The following PRH1 variants were observed in gnomAD, a reference collection of about 807,000 sequenced individuals.
PRH1 encodes salivary acidic proline-rich phosphoprotein 1/2.
PRH1 carries 7 observed loss-of-function variants against 7.9 expected under a neutral mutation model. That is an observed-to-expected ratio of 0.89 (90% CI 0.50 to 1.67). PRH1 has a LOEUF of 1.67. Ranked by LOEUF, PRH1 falls within the 40% of genes most tolerant of loss-of-function variation. PRH1 has a pLI of 0.00. For synonymous variants in PRH1, 45 were observed against 80.8 expected (o/e 0.56, Z 2.38); for missense variants, 109 against 223.6 (o/e 0.49, Z 3.27).
chr12:11,068,708 T>C (rs1016878834), intron 1 of PRH1, among the ~76,000 whole-genome samples: 3 of 152,204 alleles, frequency 2.0e-5, no homozygotes. Flanking sequence ...CAACCATAAT[T>C]CCATCTGTAT....
chr12:11,124,548 C>T (rs1592059135), intron 1 of PRH1, among the ~76,000 whole-genome samples: 2 of 152,400 alleles, frequency 1.3e-5, no homozygotes, highest in East Asian at 3.8e-4. Flanking sequence ...AACTGCACTA[C>T]ACTTAACTTT....
intron 1 of PRH1, among the ~76,000 whole-genome samples, chr12:11,089,721 T>C (rs143455255): frequency 0.02 from 2,393 of 121,596 alleles, 346 homozygotes; most frequent in South Asian, 0.035. Context: ...GAAAATATCA[T>C]AATACAAATA....
intron 1 of PRH1, among the ~76,000 whole-genome samples, chr12:11,020,971 G>A (rs1044090524): frequency 1.5e-4 from 23 of 152,122 alleles, no homozygotes; most frequent in Admixed American, 5.9e-4. Flanking sequence ...GCACTGAAAT[G>A]ATCATCAGCA....
At chr12:11,008,789 C>T (rs922952718) in intron 1 of PRH1, among the ~76,000 whole-genome samples, 1 of 151,770 alleles carries the variant, frequency 6.6e-6, no homozygotes, top group African/African-American at 2.4e-5. Context: ...TATACTTGGA[C>T]AGCTTCTTTT....
At chr12:10,930,578 C>T (rs1248830795) in intron 2 of PRH1, 15 of 1,576,142 alleles carry the variant, frequency 9.5e-6, no homozygotes, top group South Asian at 4.8e-5. Flanking sequence ...AGAGAGGGGC[C>T]GGCCGTGTGG....
At chr12:11,143,910 G>T (rs975111289) in intron 1 of PRH1, among the ~76,000 whole-genome samples, 1 of 152,220 alleles carries the variant, frequency 6.6e-6, no homozygotes, top group African/African-American at 2.4e-5. Flanking sequence ...CTGGTACTGG[G>T]AGTTGTCTGC....
intron 1 of PRH1, among the ~76,000 whole-genome samples, chr12:11,073,259 C>G (rs373237179): frequency 0.043 from 3,417 of 79,998 alleles, 77 homozygotes; most frequent in Non-Finnish European, 0.052. Context: ...AGCCTCCTTA[C>G]TAGCTGTATT....
chr12:10,986,415 A>C, intron 1 of PRH1: 1 of 1,614,078 alleles, frequency 6.2e-7, no homozygotes, highest in South Asian at 1.1e-5. Context: ...ACTCTCATCC[A>C]TGTTTGCCAC....
At chr12:11,101,297 G>A (rs961557221) in intron 1 of PRH1, among the ~76,000 whole-genome samples, 3 of 152,128 alleles carry the variant, frequency 2.0e-5, no homozygotes, top group Non-Finnish European at 2.9e-5. Context: ...AGACCTGCCT[G>A]GGCAACATGG....
chr12:11,031,675 C>T (rs1942226192), intron 1 of PRH1, among the ~76,000 whole-genome samples: 1 of 152,140 alleles, frequency 6.6e-6, no homozygotes, highest in Non-Finnish European at 1.5e-5. Flanking sequence ...CCATTGGCTA[C>T]TTTTAGGATC....
intron 1 of PRH1, chr12:10,997,181 G>T (rs867761048): frequency 6.2e-7 from 1 of 1,613,948 alleles, no homozygotes; most frequent in Non-Finnish European, 8.5e-7. Flanking sequence ...GAGGAAGGAG[G>T]TCACAGTTTG....
chr12:10,938,945 A>C, intron 2 of PRH1: 2 of 1,613,826 alleles, frequency 1.2e-6, no homozygotes, highest in Non-Finnish European at 1.7e-6. Context: ...CACTGTCCAG[A>C]TATTAGTAAG....
intron 1 of PRH1, among the ~76,000 whole-genome samples, chr12:11,125,885 T>TA (rs1280335526): frequency 1.3e-5 from 2 of 149,856 alleles, no homozygotes; most frequent in African/African-American, 4.9e-5. Context: ...TCTTCCTTTT[T>TA]AAAATTAATT....
rs76378949 is a variant in PRH1, at chr12:10,941,314, G to A, written c.-59+32341C>T. Among the ~76,000 whole-genome samples, 706 of 152,256 alleles carry A rather than the reference G, an allele frequency of 4.6e-3. 3 individuals carry two copies. The highest frequency in any genetic ancestry group is 7.4e-3 in the Non-Finnish European group (500 of 68,022). On this transcript the variant is annotated intron_variant, in intron 2 of 3. Coordinates refer to the PRH1 transcript ENST00000539853. Reference sequence around the variant, plus strand: ...GTTTTCATTGGAACAACAGCTCTTAGGGAAAGGCAATCTTTTTCAGAAAAA... The same window carrying A: ...GTTTTCATTGGAACAACAGCTCTTAAGGAAAGGCAATCTTTTTCAGAAAAA...
downstream of PRH1, among the ~76,000 whole-genome samples, chr12:11,115,873 A>G (rs1945716960): frequency 6.6e-6 from 1 of 152,116 alleles, no homozygotes; most frequent in Admixed American, 6.6e-5. Flanking sequence ...CAACATACCA[A>G]AATCTATGAA....
intron 1 of PRH1, among the ~76,000 whole-genome samples, chr12:11,027,035 C>T (rs1420805646): frequency 7.3e-5 from 11 of 150,838 alleles, no homozygotes; most frequent in Admixed American, 4.6e-4. Flanking sequence ...GAGGCCGACA[C>T]GGGAAGATCA....
chr12:10,992,841 C>T lies in PRH1; in HGVS notation c.-125-19120G>A, dbSNP rs1940007337. On this transcript the variant is annotated intron_variant, in intron 1 of 3. Coordinates refer to the PRH1 transcript ENST00000539853. ...TAAATGAAATTAACAGTTTCAACAGCTAGCAGAACTCTCACATTGCTTCCA... is the reference window on the plus strand; with the variant it reads ...TAAATGAAATTAACAGTTTCAACAGTTAGCAGAACTCTCACATTGCTTCCA... Among the ~76,000 whole-genome samples, 5 of 152,302 alleles carry T rather than the reference C, an allele frequency of 3.3e-5. No homozygotes were observed. The South Asian group carries it at 1.0e-3, about 32-fold the overall frequency.
intron 2 of PRH1, chr12:10,939,266 C>A: frequency 2.1e-6 from 2 of 948,938 alleles, no homozygotes; most frequent in Non-Finnish European, 3.1e-6. Flanking sequence ...TTAATGCATT[C>A]ATCTAAAATG....
At chr12:10,904,604 A>T (rs1949775952) in intron 2 of PRH1, among the ~76,000 whole-genome samples, 1 of 152,148 alleles carries the variant, frequency 6.6e-6, no homozygotes, top group South Asian at 2.1e-4. Flanking sequence ...ACACCATTCT[A>T]AACATTGGCC....
Sources: gnomAD v4.1 joint callset for allele counts (sites outside exome capture counted in the v4.1 genomes callset) on GRCh38, gnomAD v4.1.1 for gene constraint, MANE v1.5 for transcripts, NCBI Gene and HGNC (gene_info 2026-07-23, HGNC 2026-07-21) for gene names.